DEK: variants seen among roughly 807,000 people sequenced by gnomAD.
DEK encodes protein DEK.
Under a neutral mutation model 46.8 loss-of-function variants are expected in DEK, and 28 were observed. The observed-to-expected ratio is 0.60, with a 90% CI of 0.44 to 0.82. The LOEUF is 0.82. Among genes scored for constraint, DEK ranks in the 40% least tolerant of loss-of-function variants. The pLI, the probability that DEK is intolerant of heterozygous loss-of-function variation, is 0.00. For synonymous variants in DEK, 160 were observed against 144.5 expected (o/e 1.11, Z -0.77); for missense variants, 416 against 430.6 (o/e 0.97, Z 0.30).
chr6:18,262,572 G>A (rs968583306), intron 2 of DEK, among the ~76,000 whole-genome samples: 1 of 152,108 alleles, frequency 6.6e-6, no homozygotes, highest in Non-Finnish European at 1.5e-5. Context: ...GCATTACTGT[G>A]TTGGCCACTT....
intron 2 of DEK, among the ~76,000 whole-genome samples, chr6:18,258,956 A>G (rs1791720245): frequency 6.6e-6 from 1 of 152,222 alleles, no homozygotes; most frequent in African/African-American, 2.4e-5. Flanking sequence ...AATGCAATCA[A>G]CTGGGAGAGC....
At chr6:18,264,152 G>A (rs1223627151) in intron 1 of DEK, 156 bp from the exon 2 acceptor site, 3 of 581,954 alleles carry the variant, frequency 5.2e-6, no homozygotes, top group Non-Finnish European at 8.0e-6. Flanking sequence ...CCCCAGGGGC[G>A]GCTTCCCTCC....
chr6:18,238,135 C>T (rs185237966), intron 7 of DEK, among the ~76,000 whole-genome samples: 1 of 152,072 alleles, frequency 6.6e-6, no homozygotes, highest in Non-Finnish European at 1.5e-5. Context: ...TCCCAAAGTG[C>T]TGGGATTACA....
intron 7 of DEK, among the ~76,000 whole-genome samples, chr6:18,246,496 T>C (rs1791120744): frequency 6.6e-6 from 1 of 152,252 alleles, no homozygotes; most frequent in East Asian, 1.9e-4. Flanking sequence ...ACAAGTGCTT[T>C]AGCAATTATC....
rs529744718 is a variant in DEK, at chr6:18,264,520, G to C, written c.-145C>G. ...CTCGCGCCGCGCGCTCGGCTCCCCAGAATCAACAAGATTTTCAAAATGGCG... is the reference window on the plus strand; with the variant it reads ...CTCGCGCCGCGCGCTCGGCTCCCCACAATCAACAAGATTTTCAAAATGGCG... On this transcript the variant is annotated 5_prime_UTR_variant, in exon 1 of 11. Coordinates refer to ENST00000652689, the MANE Select transcript of DEK (RefSeq NM_003472.4). 4 of 226,860 alleles carry C rather than the reference G, an allele frequency of 1.8e-5. No homozygotes were observed. The highest frequency in any genetic ancestry group is 4.4e-5 in the Admixed American group (1 of 22,860). The allele number at this position is 226,860 out of a possible 1,614,324, so 14.1% of individuals were successfully genotyped here.
intron 9 of DEK, among the ~76,000 whole-genome samples, chr6:18,230,147 G>T (rs1203424232): frequency 6.6e-6 from 1 of 152,116 alleles, no homozygotes; most frequent in African/African-American, 2.4e-5. Flanking sequence ...AAGTGAAGGA[G>T]AAATAAAATC....
intron 2 of DEK, among the ~76,000 whole-genome samples, chr6:18,263,346 G>A (rs1791959245): frequency 6.6e-6 from 1 of 152,110 alleles, no homozygotes; most frequent in Non-Finnish European, 1.5e-5. Context: ...AAACTTTTTG[G>A]TAAATGTAAA....
intron 2 of DEK, among the ~76,000 whole-genome samples, chr6:18,261,723 G>A (rs1791879460): frequency 6.6e-6 from 1 of 152,226 alleles, no homozygotes; most frequent in East Asian, 1.9e-4. Context: ...TATCTTGGGA[G>A]TAAATAACTT....
chr6:18,255,285 A>G (rs1442212803), intron 6 of DEK, among the ~76,000 whole-genome samples: 3 of 152,236 alleles, frequency 2.0e-5, no homozygotes, highest in Non-Finnish European at 2.9e-5. Flanking sequence ...TGTAAGAGTT[A>G]GCTTTTAAAT....
rs549434357 is a variant in DEK, at chr6:18,254,736, A to C, written c.573+995T>G. Among the ~76,000 whole-genome samples the C allele has an allele frequency of 5.4e-4, 82 of 152,320 alleles. 2 individuals carry two copies. The South Asian group carries it at 0.011, about 20-fold the overall frequency. On this transcript the variant is annotated intron_variant, in intron 6 of 10. Coordinates refer to ENST00000652689, the MANE Select transcript of DEK (RefSeq NM_003472.4). ...ATAGTGATCACCTTGCCTCACACTAAATCCTTAAAAAGTACAAGTATAGCT... is the reference window on the plus strand; with the variant it reads ...ATAGTGATCACCTTGCCTCACACTACATCCTTAAAAAGTACAAGTATAGCT...
chr6:18,248,147 G>A (rs930726922), intron 7 of DEK, among the ~76,000 whole-genome samples: 8 of 152,088 alleles, frequency 5.3e-5, no homozygotes, highest in Non-Finnish European at 8.8e-5. Context: ...GACCCTATGA[G>A]GCTAATACTA....
intron 6 of DEK, among the ~76,000 whole-genome samples, chr6:18,253,119 T>G (rs1044376645): frequency 6.6e-6 from 1 of 151,776 alleles, no homozygotes; most frequent in Middle Eastern, 3.4e-3. Context: ...TTTTTTTTTT[T>G]GAGACAGTCT....
intron 9 of DEK, among the ~76,000 whole-genome samples, chr6:18,233,032 G>T (rs566763252): frequency 1.2e-4 from 19 of 152,020 alleles, no homozygotes; most frequent in African/African-American, 4.3e-4. Context: ...CAGAGCCCTC[G>T]GAAATAATAC....
At position 18,236,542 on chromosome 6, in the gene DEK, G is replaced by C. The variant is rs1582263577; in HGVS notation, c.957C>G (p.Pro319=). ...TTTCCTTTAACTCTTCATCTGTAGG[G>C]GGTTTCTTCAACTTTTTAATTAAAG... The part of the protein sequence containing the change: ...DEPLIKKLKK[P]PTDEELKETI... The change falls in exon 9 of 11, where the codon CCC becomes CCG. Residue 319 remains proline (P), a synonymous_variant. Coordinates refer to ENST00000652689, the MANE Select transcript of DEK (RefSeq NM_003472.4). The C allele has an allele frequency of 6.3e-7, 1 of 1,588,756 alleles. No individual in the cohort carries two copies. Among genetic ancestry groups the C allele is most frequent in the African/African-American group, 1.4e-5 (1 of 72,912 alleles).
At chr6:18,244,589 A>T in intron 7 of DEK, 1 of 1,288,688 alleles carries the variant, frequency 7.8e-7, no homozygotes, top group South Asian at 1.2e-5. Context: ...CTGTCCTCAC[A>T]GCAGAAAGGT....
chr6:18,230,495 A>G (rs1163467668), intron 9 of DEK, among the ~76,000 whole-genome samples: 4 of 152,346 alleles, frequency 2.6e-5, no homozygotes, highest in Non-Finnish European at 5.9e-5. Flanking sequence ...TCTCATGTGC[A>G]GAGACACACA....
intron 9 of DEK, among the ~76,000 whole-genome samples, chr6:18,226,923 G>C (rs1352212874): frequency 6.6e-6 from 1 of 152,220 alleles, no homozygotes; most frequent in Non-Finnish European, 1.5e-5. Context: ...GGGTGAAATG[G>C]ATTAAGGGCT....
intron 9 of DEK, among the ~76,000 whole-genome samples, chr6:18,232,575 CAGAG>C (rs1157163060): frequency 2.0e-5 from 3 of 152,092 alleles, no homozygotes; most frequent in Non-Finnish European, 2.9e-5. Flanking sequence ...CCATAACAGA[CAGAG>C]AGCCAAATAA....
Position 18,263,841 on chromosome 6 carries a change from A to C in DEK, c.145+2T>G. ...CATCAGTTGGGATGCGACTCCCCCC[A>C]CCTTTTTCCTCCTCCTCCTCCTCCT... is the stretch of plus-strand genomic sequence containing the variant. On this transcript the variant is annotated splice_donor_variant, in intron 2 of 10. Transcript: ENST00000652689. LOFTEE classifies it high-confidence loss of function. The C allele has an allele frequency of 6.2e-7, 1 of 1,611,024 alleles. No homozygotes were observed. The highest frequency in any genetic ancestry group is 8.5e-7 in the Non-Finnish European group (1 of 1,178,596).
Sources: gnomAD v4.1 joint callset for allele counts (sites outside exome capture counted in the v4.1 genomes callset) on GRCh38, gnomAD v4.1.1 for gene constraint, MANE v1.5 for transcripts, NCBI Gene and HGNC (gene_info 2026-07-23, HGNC 2026-07-21) for gene names.